Variants in MELTF observed in about 807,000 individuals in gnomAD.
The protein encoded by MELTF is melanotransferrin.
Under a neutral mutation model 83.7 loss-of-function variants are expected in MELTF, and 67 were observed. That is an observed-to-expected ratio of 0.80 (90% confidence interval 0.66 to 0.98). MELTF has a LOEUF of 0.98. Among genes scored for constraint, MELTF ranks in the 50% least tolerant of loss-of-function variants. The pLI is 0.00. For missense variants in MELTF, 1,002 were observed against 1,035.6 expected, an observed-to-expected ratio of 0.97 and a Z score of 0.44; for synonymous variants, 462 against 447.6, an observed-to-expected ratio of 1.03 and a Z score of -0.41.
At position 197,011,670 on chromosome 3, in the gene MELTF, C is replaced by G. The variant is rs1181306223; in HGVS notation, c.1234-876G>C. 1.3e-5 allele frequency among the ~76,000 whole-genome samples: 2 copies of G among 152,152 alleles called. No individual in the cohort carries two copies. The highest frequency in any genetic ancestry group is 4.8e-5 in the African/African-American group (2 of 41,434). On this transcript the variant is annotated intron_variant, in intron 9 of 15. Transcript: ENST00000296350. This position sits in a 1 kb window ranked among gnomAD's most constrained non-coding sequence, Gnocchi z 4.2. ...CTCAGACCTCCCCCTTCCTATTGTG[C>G]TGTCGGGCAGGACACAGACCCTGCA...
rs370680601 is a variant in MELTF at position 197,020,820 on chromosome 3, C to G, written c.712+584G>C. ...AGTAGCTGGGATTTGAGGCACCCAC[C>G]ACCACGCTCGGCTAGTTTTTTGTAT... is the stretch of plus-strand genomic sequence containing the variant. On this transcript the variant is annotated intron_variant, in intron 6 of 15. Transcript: ENST00000296350. Among the ~76,000 whole-genome samples the G allele has an allele frequency of 7.5e-4, 114 of 152,214 alleles. 1 individual carries two copies. The Middle Eastern group carries it at 0.014, about 18-fold the overall frequency.
In MELTF at chr3:197,029,347, G is replaced by A; in HGVS notation, c.49+307C>T. On this transcript the variant is annotated intron_variant, in intron 1 of 15. Coordinates refer to ENST00000296350, the MANE Select transcript of MELTF (RefSeq NM_005929.6). The surrounding 1 kb of genome is among the most constrained non-coding windows in gnomAD (Gnocchi z 6.5). ...GTTCCTGCGCCCGTCGGGAGGGGCCGCCCTCCGGGAGCTCCTCTCCACACC... is the reference window on the plus strand; with the variant it reads ...GTTCCTGCGCCCGTCGGGAGGGGCCACCCTCCGGGAGCTCCTCTCCACACC... The A allele has an allele frequency of 3.0e-6, 1 of 330,792 alleles. No individual in the cohort carries two copies. The highest frequency in any genetic ancestry group is 5.5e-6 in the Non-Finnish European group (1 of 182,656). 20.5% of individuals were successfully genotyped at this position (330,792 alleles called of 1,614,324 possible). A position where few individuals can be genotyped will look rare whatever the true frequency, so the allele number is the denominator to read the frequency against.
At chr3:197,025,628 A>T (rs921129680) in intron 3 of MELTF, 1 of 152,380 alleles carries the variant, frequency 6.6e-6, no homozygotes, top group African/African-American at 2.4e-5. Context: ...ACCAGCGGGT[A>T]GCAGGTGCTC....
chr3:197,024,520 G>T lies in MELTF; in HGVS notation c.305-35C>A. On this transcript the variant is annotated intron_variant, in intron 3 of 15. Transcript: ENST00000296350. This position sits in a 1 kb window ranked among gnomAD's most constrained non-coding sequence, Gnocchi z 5.3. Reference sequence around the variant, plus strand: ...GAGGGGAGTGGGTGAGGGCAGCAGGGAGAGGCCTCGAGAGAGGCTGCACCA... The same window carrying T: ...GAGGGGAGTGGGTGAGGGCAGCAGGTAGAGGCCTCGAGAGAGGCTGCACCA... 6.6e-7 allele frequency: 1 copy of T among 1,524,776 alleles called. No individual in the cohort carries two copies. Among genetic ancestry groups the T allele is most frequent in the South Asian group, 1.2e-5 (1 of 80,118 alleles). 94.5% of individuals were successfully genotyped at this position (1,524,776 alleles called of 1,614,324 possible). A position where few individuals can be genotyped will look rare whatever the true frequency, so the allele number is the denominator to read the frequency against.
rs563225922 is a variant in MELTF, at chr3:197,016,195, G to T, written c.1075C>A (p.Pro359Thr). The T allele has an allele frequency of 1.4e-5, 21 of 1,538,936 alleles. No homozygotes were observed. The South Asian group carries it at 2.6e-4, about 19-fold the overall frequency. ...TGGGGACAGGTGGACTTACGGTTGGGGTCACAGAGCAGACCCTTCATGGCG... is the reference window on the plus strand; with the variant it reads ...TGGGGACAGGTGGACTTACGGTTGGTGTCACAGAGCAGACCCTTCATGGCG... ...LHAMKGLLCD[P>T]NRLPPYLRWC... The change falls in exon 8 of 16, where the codon CCC (proline) becomes ACC (threonine). Residue 359 changes from proline (P) to threonine (T), a missense_variant. Pro to Thr is a conservative substitution (Grantham distance 38, BLOSUM62 -1). Transcript: ENST00000296350.
In MELTF at chr3:197,008,215, G is replaced by A. The variant is rs1427486614; in HGVS notation, c.1750+442C>T. On this transcript the variant is annotated intron_variant, in intron 13 of 15. Transcript: ENST00000296350. This position sits in a 1 kb window ranked among gnomAD's most constrained non-coding sequence, Gnocchi z 5.4. ...GGTATGTTGGGCGTGCCCTGCCTCG[G>A]TGTGGCTTGGGGGCTGCAGAGAGAT... is the stretch of plus-strand genomic sequence containing the variant. Among the ~76,000 whole-genome samples, 1 of 152,192 alleles carries A rather than the reference G, an allele frequency of 6.6e-6. No homozygotes were observed. The highest frequency in any genetic ancestry group is 2.4e-5 in the African/African-American group (1 of 41,434).
intron 9 of MELTF, 82 bp from the exon 10 acceptor site, chr3:197,010,876 C>G: frequency 7.7e-7 from 1 of 1,292,848 alleles, no homozygotes; most frequent in East Asian, 2.4e-5. Context: ...GGTGGCAGGG[C>G]CTGGTCTCTT....
At position 197,017,106 on chromosome 3, in the gene MELTF, G is replaced by C; in HGVS notation, c.897C>G (p.Gly299=). Residue 299 remains glycine (G), a synonymous_variant, in exon 7 of 16, where the codon GGC becomes GGG. Coordinates refer to ENST00000296350, the MANE Select transcript of MELTF (RefSeq NM_005929.6). ...GGTTGGGGGACCCTGAGCCCACCTG[G>C]CCTTCGTTGAGCAGCCGGAAGATGA... ...GGLIFRLLNE[G]QRLFSHEGSS... is the part of the protein sequence containing the mutation. The C allele has an allele frequency of 1.2e-6, 2 of 1,611,390 alleles. No homozygotes were observed. The highest frequency in any genetic ancestry group is 1.7e-6 in the Non-Finnish European group (2 of 1,179,428).
In MELTF at chr3:197,018,891, T is replaced by G. The variant is rs1210132240; in HGVS notation, c.713-1601A>C. ...AAAAGAAAATTTGCAAGAGTAACTA[T>G]TAACACCAAACAGGGATATTGAGAA... is the stretch of plus-strand genomic sequence containing the variant. On this transcript the variant is annotated intron_variant, in intron 6 of 15. Transcript: ENST00000296350. The G allele has an allele frequency of 5.1e-6, 5 of 973,900 alleles. No homozygotes were observed. In the African/African-American group the frequency reaches 8.8e-5, roughly 17 times the overall value. 60.3% of individuals were successfully genotyped at this position (973,900 alleles called of 1,614,324 possible).
rs1282666245 is a variant in MELTF at position 197,007,072 on chromosome 3, G to A, written c.1751-336C>T. Among the ~76,000 whole-genome samples, 2 of 152,192 alleles carry A rather than the reference G, an allele frequency of 1.3e-5. No homozygotes were observed. Among genetic ancestry groups the A allele is most frequent in the Non-Finnish European group, 2.9e-5 (2 of 68,034 alleles). ...TTTTACAGGTGAGGAAACTGAGGCTGTTAATCACTCCCAGGCAGAGAACCC... is the reference window on the plus strand; with the variant it reads ...TTTTACAGGTGAGGAAACTGAGGCTATTAATCACTCCCAGGCAGAGAACCC... On this transcript the variant is annotated intron_variant, in intron 13 of 15. Transcript: ENST00000296350. This position sits in a 1 kb window ranked among gnomAD's most constrained non-coding sequence, Gnocchi z 4.3.
In MELTF at chr3:197,006,608, C is replaced by G. The variant is rs371828705; in HGVS notation, c.1879G>C (p.Val627Leu). 2 of 1,612,614 alleles carry G rather than the reference C, an allele frequency of 1.2e-6. No homozygotes were observed. The highest frequency in any genetic ancestry group is 1.7e-6 in the Non-Finnish European group (2 of 1,179,302). Reference protein sequence around the residue: ...CNLAQIPPHAVMVRPDTNIFT... With the variant: ...CNLAQIPPHALMVRPDTNIFT... ...ATGTTGGTGTCGGGCCGGACCATCA[C>G]GGCGTGGGGTGGTATCTGTGCCAGG... is the stretch of plus-strand genomic sequence containing the variant. The change falls in exon 14 of 16, where the codon GTG becomes CTG. Residue 627 changes from valine (V) to leucine (L), a missense_variant. Coordinates refer to ENST00000296350, the MANE Select transcript of MELTF (RefSeq NM_005929.6). This position sits in a 1 kb window ranked among gnomAD's most constrained non-coding sequence, Gnocchi z 5.4.
At position 197,006,285 on chromosome 3, in the gene MELTF, G is replaced by C. The variant is rs1206462205; in HGVS notation, c.1938+264C>G. 6.6e-6 allele frequency among the ~76,000 whole-genome samples: 1 copy of C among 152,148 alleles called. No homozygotes were observed. Among genetic ancestry groups the C allele is most frequent in the African/African-American group, 2.4e-5 (1 of 41,454 alleles). On this transcript the variant is annotated intron_variant, in intron 14 of 15. Transcript: ENST00000296350. The surrounding 1 kb of genome is among the most constrained non-coding windows in gnomAD (Gnocchi z 5.4). ...AAGAGGATGGATGTGAGACCAAGAG[G>C]TTAGTTTGTTCTTTAAGGATGGCAG...
chr3:197,015,360 C>T lies in MELTF; in HGVS notation c.1233+5G>A. 3 of 1,552,410 alleles carry T rather than the reference C, an allele frequency of 1.9e-6. No homozygotes were observed. The highest frequency in any genetic ancestry group is 1.7e-6 in the Non-Finnish European group (2 of 1,146,836). ...TGGCCCACGCTGCACCTGCGTGACT[C>T]CCACCTGGATCCGCTCCATGCAGTG... On this transcript the variant is annotated splice_donor_5th_base_variant and intron_variant, in intron 9 of 15. Coordinates refer to ENST00000296350, the MANE Select transcript of MELTF (RefSeq NM_005929.6).
At chr3:197,014,998 C>T (rs1194885655) in intron 9 of MELTF, among the ~76,000 whole-genome samples, 1 of 152,218 alleles carries the variant, frequency 6.6e-6, no homozygotes, top group African/African-American at 2.4e-5. Context: ...CAAGGGAAGG[C>T]TGAGATTCAG....
At position 197,003,312 on chromosome 3, in the gene MELTF, C is replaced by G. The variant is rs1280174790; in HGVS notation, c.*60G>C. 2 of 1,049,360 alleles carry G rather than the reference C, an allele frequency of 1.9e-6. No homozygotes were observed. The highest frequency in any genetic ancestry group is 2.3e-6 in the Non-Finnish European group (2 of 873,264). The allele number at this position is 1,049,360 out of a possible 1,614,324, so 65.0% of individuals were successfully genotyped here. The stretch of plus-strand genomic sequence containing the variant: ...GCGAGCTTCCTTCTGGATTCCAGCG[C>G]GAAGCCGCCGCGGAAACTCCCCGGG... On this transcript the variant is annotated 3_prime_UTR_variant, in exon 16 of 16. Transcript: ENST00000296350. This position sits in a 1 kb window ranked among gnomAD's most constrained non-coding sequence, Gnocchi z 6.2.
intron 7 of MELTF, 122 bp downstream of exon 7, chr3:197,016,981 C>T: frequency 8.8e-7 from 1 of 1,130,728 alleles, no homozygotes; most frequent in Non-Finnish European, 1.2e-6. Flanking sequence ...TGGCCCGATG[C>T]TGGGGTCCGT....
At chr3:197,009,321 T>C (rs1719095664) in intron 11 of MELTF, among the ~76,000 whole-genome samples, 1 of 152,110 alleles carries the variant, frequency 6.6e-6, no homozygotes, top group African/African-American at 2.4e-5. Context: ...CTTGTGTCAG[T>C]GGTTAGAAAA....
Position 197,003,187 on chromosome 3 carries a change from G to T in MELTF, c.*185C>A, listed in dbSNP as rs1463730037. The stretch of plus-strand genomic sequence containing the variant: ...GCGGTTGGCGGGAAGGGCCGCGCGG[G>T]CCCGGGGGCGGCGCCTCAGGTAGCA... On this transcript the variant is annotated 3_prime_UTR_variant, in exon 16 of 16. Coordinates refer to ENST00000296350, the MANE Select transcript of MELTF (RefSeq NM_005929.6). This position sits in a 1 kb window ranked among gnomAD's most constrained non-coding sequence, Gnocchi z 6.2. 1.0e-5 allele frequency: 6 copies of T among 574,018 alleles called. No homozygotes were observed. The South Asian group carries it at 4.5e-4, about 43-fold the overall frequency. The allele number at this position is 574,018 out of a possible 1,614,324, so 35.6% of individuals were successfully genotyped here. A position where few individuals can be genotyped will look rare whatever the true frequency, so the allele number is the denominator to read the frequency against.
At chr3:197,028,203 A>C (rs1719943415) in intron 1 of MELTF, 1 of 361,852 alleles carries the variant, frequency 2.8e-6, no homozygotes. Flanking sequence ...AGCTACCCCC[A>C]CCTGGTGGGA....
Sources: allele counts gnomAD v4.1 joint callset (sites outside exome capture counted in the v4.1 genomes callset), GRCh38; gene constraint gnomAD v4.1.1; non-coding constraint Gnocchi (gnomAD v3.1); transcripts MANE v1.5; gene names NCBI Gene and HGNC (gene_info 2026-07-23, HGNC 2026-07-21).